Variants in METAP1 observed in about 807,000 individuals in gnomAD.
METAP1 encodes methionine aminopeptidase 1.
A neutral mutation model predicts 53.8 loss-of-function variants in METAP1; 28 were observed. The ratio of observed to expected loss-of-function variants is 0.52; its 90% confidence interval spans 0.39 to 0.71. The LOEUF (loss-of-function observed/expected upper bound fraction) is 0.71, where lower values mean the gene tolerates loss of function less well. Among genes scored for constraint, METAP1 ranks in the 30% least tolerant of loss-of-function variants. METAP1 has a pLI of 0.00. For missense variants in METAP1, 389 were observed against 479.8 expected (o/e 0.81, Z 1.77); for synonymous variants, 181 against 165.7 (o/e 1.09, Z -0.71).
intron 1 of METAP1, among the ~76,000 whole-genome samples, chr4:99,013,616 C>T (rs141729207): frequency 4.6e-5 from 7 of 152,302 alleles, no homozygotes; most frequent in South Asian, 2.1e-4. Context: ...GGCTGTGTCC[C>T]GTTCCCATTG....
At chr4:99,002,710 T>C (rs1168512917) in intron 1 of METAP1, among the ~76,000 whole-genome samples, 1 of 152,206 alleles carries the variant, frequency 6.6e-6, no homozygotes, top group Admixed American at 6.5e-5. Flanking sequence ...ACCTGACTTA[T>C]TGCAAGGCTC....
intron 1 of METAP1, among the ~76,000 whole-genome samples, chr4:99,011,005 G>T (rs1396432847): frequency 1.4e-5 from 2 of 146,838 alleles, no homozygotes; most frequent in African/African-American, 2.5e-5. Context: ...TGATTTTTAT[G>T]TTGATTATCC....
intron 3 of METAP1, among the ~76,000 whole-genome samples, chr4:99,034,684 T>C (rs943305649): frequency 3.3e-5 from 5 of 152,168 alleles, no homozygotes; most frequent in African/African-American, 9.7e-5. Flanking sequence ...CCCATATAGT[T>C]ACGAAAATCC....
chr4:99,031,101 GTTTTTTTTTTT>G (rs56082818), intron 2 of METAP1, among the ~76,000 whole-genome samples: 18 of 109,920 alleles, frequency 1.6e-4, no homozygotes, highest in Admixed American at 3.9e-4. Flanking sequence ...CTCAAAGGTA[GTTTTTTTTTTT>G]TTTTTTTTTT....
intron 1 of METAP1, chr4:99,023,416 A>G (rs1724295140): frequency 1.1e-6 from 1 of 884,612 alleles, no homozygotes; most frequent in Non-Finnish European, 1.4e-6. Context: ...AAGTATTTAT[A>G]TATATGTTAT....
At chr4:99,036,628 T>C (rs1725442881) in intron 4 of METAP1, among the ~76,000 whole-genome samples, 1 of 151,976 alleles carries the variant, frequency 6.6e-6, no homozygotes, top group South Asian at 2.1e-4. Context: ...ATTCACTTAA[T>C]ATGTCTTACA....
At position 99,003,778 on chromosome 4, in the gene METAP1, T is replaced by TG. The variant is rs1021281535; in HGVS notation, c.114+7916dup. Among the ~76,000 whole-genome samples the TG allele has an allele frequency of 1.3e-4, 20 of 152,296 alleles. 1 individual carries two copies. The highest frequency in any genetic ancestry group is 9.8e-4 in the Admixed American group (15 of 15,304). On this transcript the variant is annotated intron_variant, in intron 1 of 10. Coordinates refer to ENST00000296411, the MANE Select transcript of METAP1 (RefSeq NM_015143.3). ...CAGATGATTTCTGTAACCAAACCTATGGGGGTTTCTCCTCACCACCAAGCG... is the reference window on the plus strand; with the variant it reads ...CAGATGATTTCTGTAACCAAACCTATGGGGGGTTTCTCCTCACCACCAAGCG...
chr4:99,053,512 C>T (rs1726879806), intron 9 of METAP1, among the ~76,000 whole-genome samples: 1 of 152,200 alleles, frequency 6.6e-6, no homozygotes, highest in Non-Finnish European at 1.5e-5. Context: ...CTCTGCCTCC[C>T]AGAGTGCTGG....
chr4:99,059,166 A>C (rs948692324), intron 10 of METAP1, among the ~76,000 whole-genome samples: 1 of 152,228 alleles, frequency 6.6e-6, no homozygotes, highest in Non-Finnish European at 1.5e-5. Flanking sequence ...TTAATCATCA[A>C]ATTATAGCAG....
At chr4:99,023,303 C>T (rs1400374986) in intron 1 of METAP1, 2 of 618,770 alleles carry the variant, frequency 3.2e-6, no homozygotes, top group African/African-American at 2.0e-5. Flanking sequence ...ATGTTTTGCT[C>T]GTTTGTCAGA....
At chr4:99,043,754 A>G (rs1726034515) in intron 7 of METAP1, among the ~76,000 whole-genome samples, 1 of 152,190 alleles carries the variant, frequency 6.6e-6, no homozygotes, top group African/African-American at 2.4e-5. Flanking sequence ...AAAACCCTTC[A>G]TAATATATGA....
chr4:98,995,907 G>A, intron 1 of METAP1, 40 bp downstream of exon 1: 1 of 1,470,760 alleles, frequency 6.8e-7, no homozygotes, highest in Non-Finnish European at 9.3e-7. Context: ...GCCGCTGCGG[G>A]ACCCCTCCTC....
At chr4:99,021,682 C>T (rs1291671656) in intron 1 of METAP1, among the ~76,000 whole-genome samples, 1 of 152,196 alleles carries the variant, frequency 6.6e-6, no homozygotes, top group Non-Finnish European at 1.5e-5. Context: ...GACACAATCC[C>T]CTATGGCTGT....
chr4:99,039,242 C>A, intron 4 of METAP1, 132 bp from the exon 5 acceptor site: 1 of 557,802 alleles, frequency 1.8e-6, no homozygotes, highest in East Asian at 3.0e-5. Flanking sequence ...TAACCTAGAC[C>A]ATCCCAAATC....
intron 2 of METAP1, among the ~76,000 whole-genome samples, chr4:99,033,850 T>A (rs1280914330): frequency 6.6e-6 from 1 of 152,174 alleles, no homozygotes; most frequent in Admixed American, 6.5e-5. Flanking sequence ...TTGGGTAGGT[T>A]TTACTAGGGC....
intron 9 of METAP1, 120 bp downstream of exon 9, chr4:99,048,996 A>G (rs1726480135): frequency 3.3e-6 from 4 of 1,194,454 alleles, no homozygotes; most frequent in Non-Finnish European, 4.8e-6. Flanking sequence ...TGTAATAGAT[A>G]GATTCCCAAA....
At chr4:99,029,597 G>A (rs1410970796) in intron 2 of METAP1, among the ~76,000 whole-genome samples, 1 of 152,104 alleles carries the variant, frequency 6.6e-6, no homozygotes, top group Non-Finnish European at 1.5e-5. Flanking sequence ...GTTCTATATA[G>A]CATTGCCATC....
chr4:99,027,967 TC>T (rs1452894187), intron 1 of METAP1, among the ~76,000 whole-genome samples: 2 of 151,874 alleles, frequency 1.3e-5, no homozygotes, highest in African/African-American at 4.8e-5. Context: ...GATTTTTTTT[TC>T]CCGTGCTTTT....
intron 1 of METAP1, among the ~76,000 whole-genome samples, chr4:99,027,958 AT>A (rs886330912): frequency 9.8e-5 from 12 of 122,242 alleles, no homozygotes; most frequent in South Asian, 6.0e-4. Flanking sequence ...AGTCCTAGGG[AT>A]TTTTTTTTCC....
Sources: allele counts gnomAD v4.1 joint callset (sites outside exome capture counted in the v4.1 genomes callset), GRCh38; gene constraint gnomAD v4.1.1; transcripts MANE v1.5; gene names NCBI Gene and HGNC (gene_info 2026-07-23, HGNC 2026-07-21).